The following ZFPM2 variants were observed in gnomAD, a reference collection of about 807,000 sequenced individuals.
ZFPM2 encodes zinc finger protein ZFPM2.
ZFPM2 carries 20 observed loss-of-function variants against 98.6 expected under a neutral mutation model. The ratio of observed to expected loss-of-function variants is 0.20; its 90% CI spans 0.14 to 0.29. The LOEUF is 0.29. Ranked by LOEUF, ZFPM2 falls within the 10% of genes least tolerant of loss-of-function variation. The probability of loss-of-function intolerance (pLI) is 1.00; values close to 1 mark genes in which losing one functional copy is unlikely to be tolerated. For missense variants in ZFPM2, 1,310 were observed against 1,388.6 expected, an observed-to-expected ratio of 0.94 and a Z score of 0.90; for synonymous variants, 518 against 502.7, an observed-to-expected ratio of 1.03 and a Z score of -0.41.
intron 4 of ZFPM2, among the ~76,000 whole-genome samples, chr8:105,591,646 T>C (rs1815846709): frequency 6.6e-6 from 1 of 152,182 alleles, no homozygotes; most frequent in Non-Finnish European, 1.5e-5. Context: ...ATGAAAAGTA[T>C]GCAGCAAAAA....
intron 3 of ZFPM2, among the ~76,000 whole-genome samples, chr8:105,521,375 A>G (rs1814055526): frequency 6.7e-6 from 1 of 148,630 alleles, no homozygotes; most frequent in Admixed American, 6.7e-5. Context: ...ATTTCAGTGA[A>G]ACTCTTAGCT....
intron 3 of ZFPM2, among the ~76,000 whole-genome samples, chr8:105,517,705 CACCACACACA>C (rs958909543): frequency 1.1e-4 from 4 of 36,134 alleles, no homozygotes; most frequent in African/African-American, 7.9e-4. Flanking sequence ...CACACACACA[CACCACACACA>C]CACACACACA....
At chr8:105,781,955 G>A (rs1438836429) in intron 5 of ZFPM2, among the ~76,000 whole-genome samples, 2 of 152,100 alleles carry the variant, frequency 1.3e-5, no homozygotes, top group Middle Eastern at 3.2e-3. Flanking sequence ...TGGCGCCATG[G>A]CTTGGGACAC....
At chr8:105,732,897 C>T (rs1158497317) in intron 5 of ZFPM2, among the ~76,000 whole-genome samples, 1 of 151,760 alleles carries the variant, frequency 6.6e-6, no homozygotes, top group Admixed American at 6.6e-5. Flanking sequence ...TGGAATGCAG[C>T]TTCTTGTTGT....
intron 1 of ZFPM2, among the ~76,000 whole-genome samples, chr8:105,337,941 G>A (rs991370897): frequency 1.3e-5 from 2 of 151,542 alleles, no homozygotes; most frequent in African/African-American, 4.8e-5. Flanking sequence ...ATGTAATTTT[G>A]TGTGCTACAA....
chr8:105,346,623 T>A (rs1812542655), intron 1 of ZFPM2, among the ~76,000 whole-genome samples: 1 of 152,178 alleles, frequency 6.6e-6, no homozygotes, highest in Non-Finnish European at 1.5e-5. Context: ...TGCTAAGGAC[T>A]CTGTTAGGCA....
At chr8:105,425,581 A>T (rs1586363303) in intron 2 of ZFPM2, among the ~76,000 whole-genome samples, 1 of 152,140 alleles carries the variant, frequency 6.6e-6, no homozygotes, top group African/African-American at 2.4e-5. Flanking sequence ...TCATCATCGT[A>T]CTCAACTTCT....
chr8:105,615,877 A>G (rs1265353592), intron 4 of ZFPM2, among the ~76,000 whole-genome samples: 1 of 152,154 alleles, frequency 6.6e-6, no homozygotes, highest in Non-Finnish European at 1.5e-5. Context: ...GAAAATATGT[A>G]TAACTAGCGT....
At chr8:105,655,176 C>T (rs1010906626) in intron 5 of ZFPM2, among the ~76,000 whole-genome samples, 1 of 147,020 alleles carries the variant, frequency 6.8e-6, no homozygotes, top group Non-Finnish European at 1.5e-5. Context: ...ATGTTTATTT[C>T]ATCGACTCAC....
At position 105,769,947 on chromosome 8, in the gene ZFPM2, G is replaced by T. The variant is rs1224270819; in HGVS notation, c.533-18771G>T. Among the ~76,000 whole-genome samples the T allele has an allele frequency of 3.9e-5, 6 of 151,914 alleles. No individual in the cohort carries two copies. In the South Asian group the frequency reaches 1.0e-3, roughly 26 times the overall value. ...CACCTCCATTTTAATGTGATTTAAA[G>T]AAAGATCATCTGTTGTACTTTTCTT... On this transcript the variant is annotated intron_variant, in intron 5 of 7. Transcript: ENST00000407775.
chr8:105,799,779 A>G (rs1813946844), intron 7 of ZFPM2, among the ~76,000 whole-genome samples: 1 of 152,212 alleles, frequency 6.6e-6, no homozygotes, highest in Non-Finnish European at 1.5e-5. Context: ...CACCTATAAT[A>G]CAAACCTTGT....
At chr8:105,741,151 C>T (rs1404884772) in intron 5 of ZFPM2, among the ~76,000 whole-genome samples, 1 of 151,994 alleles carries the variant, frequency 6.6e-6, no homozygotes, top group South Asian at 2.1e-4. Context: ...GAGAAGTGTG[C>T]AGAGGAGCCA....
At chr8:105,595,036 T>C (rs1481348074) in intron 4 of ZFPM2, among the ~76,000 whole-genome samples, 1 of 152,066 alleles carries the variant, frequency 6.6e-6, no homozygotes, top group Non-Finnish European at 1.5e-5. Context: ...AACAGAATTA[T>C]GGAAAGAATA....
At chr8:105,585,558 A>T (rs1402569475) in intron 4 of ZFPM2, among the ~76,000 whole-genome samples, 1 of 152,242 alleles carries the variant, frequency 6.6e-6, no homozygotes, top group Non-Finnish European at 1.5e-5. Context: ...GAAGTGCCAG[A>T]CACAATGTAA....
At chr8:105,519,700 G>A (rs1210768243) in intron 3 of ZFPM2, among the ~76,000 whole-genome samples, 1 of 151,794 alleles carries the variant, frequency 6.6e-6, no homozygotes, top group Non-Finnish European at 1.5e-5. Context: ...ATTATAATAA[G>A]GGAAACAGTT....
At chr8:105,452,850 T>C (rs1308281344) in intron 3 of ZFPM2, among the ~76,000 whole-genome samples, 5 of 152,200 alleles carry the variant, frequency 3.3e-5, no homozygotes, top group Non-Finnish European at 5.9e-5. Flanking sequence ...TTGGCATTGA[T>C]TTCCTTGTAC....
intron 1 of ZFPM2, among the ~76,000 whole-genome samples, chr8:105,349,091 G>A (rs529102870): frequency 2.5e-4 from 38 of 152,226 alleles, no homozygotes; most frequent in South Asian, 6.2e-4. Context: ...AAATTGTCCC[G>A]CTACAGGTTT....
intron 1 of ZFPM2, among the ~76,000 whole-genome samples, chr8:105,338,345 C>T (rs563476894): frequency 1.3e-5 from 2 of 151,718 alleles, no homozygotes; most frequent in Admixed American, 1.3e-4. Context: ...AGGTCAGGCA[C>T]CTGAAAGACA....
intron 6 of ZFPM2, among the ~76,000 whole-genome samples, chr8:105,795,196 C>A (rs1813756529): frequency 6.6e-6 from 1 of 151,802 alleles, no homozygotes; most frequent in Non-Finnish European, 1.5e-5. Flanking sequence ...GAGCTGTAGA[C>A]TGGAGCTGTT....
Sources: allele counts gnomAD v4.1 joint callset (sites outside exome capture counted in the v4.1 genomes callset), GRCh38; gene constraint gnomAD v4.1.1; transcripts MANE v1.5; gene names NCBI Gene and HGNC (gene_info 2026-07-23, HGNC 2026-07-21).